Variants in TASP1 observed in about 807,000 individuals in gnomAD.
The protein encoded by TASP1 is taspase 1.
Under a neutral mutation model 56.6 loss-of-function variants are expected in TASP1, and 16 were observed. The observed-to-expected ratio is 0.28, with a 90% CI of 0.19 to 0.43. The LOEUF (loss-of-function observed/expected upper bound fraction) is 0.43, where lower values mean the gene tolerates loss of function less well. Among genes scored for constraint, TASP1 ranks in the 20% least tolerant of loss-of-function variants. The probability of loss-of-function intolerance (pLI) is 1.00; values close to 1 mark genes in which losing one functional copy is unlikely to be tolerated. For synonymous variants in TASP1, 179 were observed against 184.2 expected, an observed-to-expected ratio of 0.97 and a Z score of 0.23; for missense variants, 393 against 511.6, an observed-to-expected ratio of 0.77 and a Z score of 2.24.
At chr20:13,186,279 C>G in the TASP1 span, among the ~76,000 whole-genome samples, 1 of 152,154 alleles carries the variant, frequency 6.6e-6, no homozygotes, top group African/African-American at 2.4e-5. Flanking sequence ...ATAACACTTT[C>G]CATAACAAAG....
chr20:13,427,593 G>A (rs893873621), intron 12 of TASP1, among the ~76,000 whole-genome samples: 1 of 152,104 alleles, frequency 6.6e-6, no homozygotes, highest in African/African-American at 2.4e-5. Flanking sequence ...AAGCTTTCAG[G>A]AAAAGCAGGG....
chr20:13,510,538 T>C (rs3827703), intron 10 of TASP1, among the ~76,000 whole-genome samples: 93,412 of 152,074 alleles, frequency 0.61, 29,318 homozygotes, highest in Non-Finnish European at 0.68. Flanking sequence ...AGATGCATGG[T>C]TTTGGTAAGA....
intron 8 of TASP1, among the ~76,000 whole-genome samples, chr20:13,536,489 C>G (rs1400883099): frequency 6.6e-6 from 1 of 152,142 alleles, no homozygotes; most frequent in East Asian, 1.9e-4. Flanking sequence ...CTTTGAATAG[C>G]AAACAAATCT....
At chr20:13,471,666 A>C (rs1158700596) in intron 11 of TASP1, among the ~76,000 whole-genome samples, 1 of 152,116 alleles carries the variant, frequency 6.6e-6, no homozygotes, top group Non-Finnish European at 1.5e-5. Context: ...TCCATCCCAC[A>C]TCTTAGAATA....
At chr20:13,481,436 T>C (rs1350227615) in intron 11 of TASP1, among the ~76,000 whole-genome samples, 1 of 152,142 alleles carries the variant, frequency 6.6e-6, no homozygotes, top group Non-Finnish European at 1.5e-5. Flanking sequence ...GGGATATACA[T>C]AGCAGTGGGA....
intron 12 of TASP1, among the ~76,000 whole-genome samples, chr20:13,422,543 T>C (rs1050313326): frequency 3.3e-5 from 5 of 152,220 alleles, no homozygotes; most frequent in African/African-American, 1.2e-4. Context: ...TCATTAACAA[T>C]GAATTCACCA....
chr20:13,190,318 C>T, the TASP1 span, among the ~76,000 whole-genome samples: 4 of 152,130 alleles, frequency 2.6e-5, no homozygotes, highest in African/African-American at 9.7e-5. Flanking sequence ...AACAGACCAC[C>T]TGACTTCAAA....
chr20:13,357,253 A>T, the TASP1 span, among the ~76,000 whole-genome samples: 1 of 152,206 alleles, frequency 6.6e-6, no homozygotes, highest in Non-Finnish European at 1.5e-5. Flanking sequence ...AAGAATTAGT[A>T]ATCTTCAGAT....
chr20:13,572,442 G>C (rs1203555178), intron 6 of TASP1, among the ~76,000 whole-genome samples: 1 of 152,106 alleles, frequency 6.6e-6, no homozygotes, highest in Non-Finnish European at 1.5e-5. Context: ...CCAACACTTT[G>C]GGAGGCCGAG....
At chr20:13,278,570 C>G in the TASP1 span, among the ~76,000 whole-genome samples, 1 of 152,210 alleles carries the variant, frequency 6.6e-6, no homozygotes, top group African/African-American at 2.4e-5. Flanking sequence ...GAACCAGACT[C>G]CCCATGTCTG....
chr20:13,629,027 T>C (rs745942056), intron 2 of TASP1, among the ~76,000 whole-genome samples: 7 of 152,188 alleles, frequency 4.6e-5, no homozygotes, highest in Non-Finnish European at 1.0e-4. Flanking sequence ...CTGAAGTCTC[T>C]TAAGTCACTT....
chr20:13,404,481 C>CTA (rs1360398863), intron 13 of TASP1, among the ~76,000 whole-genome samples: 1 of 152,084 alleles, frequency 6.6e-6, no homozygotes, highest in Non-Finnish European at 1.5e-5. Flanking sequence ...GGTGGTGTAC[C>CTA]TATAGTCTTA....
chr20:13,168,180 CTT>C, the TASP1 span: 24,234 of 139,738 alleles, frequency 0.17, 1,887 homozygotes, highest in East Asian at 0.2. Flanking sequence ...TTCTTTCTTT[CTT>C]TTTTTTTTTT....
At chr20:13,261,406 G>A in the TASP1 span, among the ~76,000 whole-genome samples, 13,512 of 149,774 alleles carry the variant, frequency 0.09, 689 homozygotes, top group East Asian at 0.17. Context: ...CAACAAGAGG[G>A]AAGAGTGAAA....
intron 4 of TASP1, among the ~76,000 whole-genome samples, chr20:13,608,195 T>G (rs2048227636): frequency 6.6e-6 from 1 of 152,206 alleles, no homozygotes; most frequent in Non-Finnish European, 1.5e-5. Flanking sequence ...CTAGCACTAT[T>G]CTAAGAATTA....
intron 2 of TASP1, among the ~76,000 whole-genome samples, chr20:13,628,969 G>C (rs2048991775): frequency 6.6e-6 from 1 of 152,116 alleles, no homozygotes; most frequent in African/African-American, 2.4e-5. Context: ...AGACATAAGG[G>C]CCTACTTAGG....
At chr20:13,358,240 C>T in the TASP1 span, among the ~76,000 whole-genome samples, 17 of 152,308 alleles carry the variant, frequency 1.1e-4, no homozygotes, top group South Asian at 8.3e-4. Context: ...ACTTTCTTTT[C>T]GGACTCAGCC....
At chr20:13,164,263 A>G in the TASP1 span, 13 of 452,584 alleles carry the variant, frequency 2.9e-5, no homozygotes, top group Admixed American at 2.6e-4. Context: ...GGACACAGAG[A>G]TGAGTATTTA....
chr20:13,257,727 G>A, the TASP1 span, among the ~76,000 whole-genome samples: 5 of 150,912 alleles, frequency 3.3e-5, no homozygotes, highest in Non-Finnish European at 7.4e-5. Context: ...AAAAAAAAAT[G>A]AGGCCAGGAC....
Sources: gnomAD v4.1 joint callset for allele counts (sites outside exome capture counted in the v4.1 genomes callset) on GRCh38, gnomAD v4.1.1 for gene constraint, MANE v1.5 for transcripts, NCBI Gene and HGNC (gene_info 2026-07-23, HGNC 2026-07-21) for gene names.